The following CHRDL1 variants were observed in gnomAD, a reference collection of about 807,000 sequenced individuals.
The protein encoded by CHRDL1 is chordin-like protein 1.
CHRDL1 carries 19 observed loss-of-function variants against 40.9 expected under a neutral mutation model. That is an observed-to-expected ratio of 0.46 (90% CI 0.32 to 0.68). The LOEUF (loss-of-function observed/expected upper bound fraction) is 0.68. Ranked by LOEUF, CHRDL1 falls within the 30% of genes least tolerant of loss-of-function variation. The pLI is 0.03. For missense variants in CHRDL1, 329 were observed against 352.1 expected, an observed-to-expected ratio of 0.93 and a Z score of 0.53; for synonymous variants, 136 against 123.4, an observed-to-expected ratio of 1.10 and a Z score of -0.68.
intron 4 of CHRDL1, among the ~76,000 whole-genome samples, chrX:110,758,653 AAGTTCC>A (rs1399031585): frequency 9.0e-6 from 1 of 111,462 alleles, no homozygotes; most frequent in African/African-American, 3.3e-5. Flanking sequence ...TAAGTTCTGG[AAGTTCC>A]TCACCACTTA....
intron 6 of CHRDL1, among the ~76,000 whole-genome samples, chrX:110,711,535 T>C (rs2070746904): frequency 1.8e-5 from 2 of 112,012 alleles, no homozygotes; most frequent in African/African-American, 6.5e-5. Context: ...TTTCCTATCA[T>C]CATGACCAGG....
At chrX:110,721,303 G>A (rs2070946308) in intron 5 of CHRDL1, 82 bp downstream of exon 5, 1 of 931,010 alleles carries the variant, frequency 1.1e-6, no homozygotes, top group African/African-American at 1.9e-5. Context: ...TTACAGTGCA[G>A]GCACAAATGA....
intron 4 of CHRDL1, among the ~76,000 whole-genome samples, chrX:110,751,789 G>T (rs1012321254): frequency 4.5e-5 from 5 of 111,386 alleles, no homozygotes; most frequent in African/African-American, 1.6e-4. Context: ...CCAAAAAAAG[G>T]GAAATCAGTG....
chrX:110,687,029 G>A (rs2070040811), intron 9 of CHRDL1, among the ~76,000 whole-genome samples: 1 of 110,835 alleles, frequency 9.0e-6, no homozygotes, highest in African/African-American at 3.3e-5. Flanking sequence ...GCTGCCCCCT[G>A]TGTACTCTGG....
intron 6 of CHRDL1, among the ~76,000 whole-genome samples, chrX:110,707,567 T>C (rs1011728935): frequency 1.8e-5 from 2 of 112,055 alleles, no homozygotes; most frequent in African/African-American, 3.2e-5. Flanking sequence ...TAATAAATGG[T>C]GTTGGGAAAA....
chrX:110,709,192 T>G (rs1346078030), intron 6 of CHRDL1, among the ~76,000 whole-genome samples: 1 of 112,617 alleles, frequency 8.9e-6, no homozygotes, highest in Non-Finnish European at 1.9e-5. Context: ...GCATTTAGAA[T>G]TGTGCTTGGC....
chrX:110,738,866 C>A (rs941776613), intron 4 of CHRDL1, among the ~76,000 whole-genome samples: 3 of 111,550 alleles, frequency 2.7e-5, no homozygotes, highest in Non-Finnish European at 5.6e-5. Flanking sequence ...TTATGTAGTT[C>A]CAATTTTAAT....
chrX:110,723,301 A>G (rs906690479), intron 4 of CHRDL1, among the ~76,000 whole-genome samples: 10 of 111,674 alleles, frequency 9.0e-5, no homozygotes, highest in African/African-American at 3.3e-4. Flanking sequence ...GAATGAAATT[A>G]TTCTCAGTAT....
intron 5 of CHRDL1, among the ~76,000 whole-genome samples, chrX:110,720,171 G>T (rs1343555196): frequency 1.8e-5 from 2 of 111,361 alleles, no homozygotes; most frequent in African/African-American, 6.5e-5. Flanking sequence ...ATGGTCTAAG[G>T]TGGTACAAAG....
chrX:110,713,255 A>C (rs1297286898), intron 6 of CHRDL1, among the ~76,000 whole-genome samples: 1 of 111,728 alleles, frequency 9.0e-6, no homozygotes, highest in Non-Finnish European at 1.9e-5. Context: ...CGTGGTGTCT[A>C]TCTTCCCTAC....
chrX:110,757,552 T>C (rs2089477022), intron 4 of CHRDL1, among the ~76,000 whole-genome samples: 1 of 111,565 alleles, frequency 9.0e-6, no homozygotes, highest in Admixed American at 9.5e-5. Context: ...TCAAGAATGG[T>C]TGTAAAATAA....
chrX:110,709,833 C>T (rs375410508), intron 6 of CHRDL1, among the ~76,000 whole-genome samples: 2 of 110,855 alleles, frequency 1.8e-5, no homozygotes, highest in East Asian at 2.8e-4. Flanking sequence ...CGGGAAACCC[C>T]GTCTCTACTA....
chrX:110,703,600 C>T (rs1484995708), intron 6 of CHRDL1, among the ~76,000 whole-genome samples: 1 of 111,656 alleles, frequency 9.0e-6, no homozygotes, highest in Non-Finnish European at 1.9e-5. Context: ...GATATTTACA[C>T]CCAGGTTGGA....
intron 4 of CHRDL1, among the ~76,000 whole-genome samples, chrX:110,737,787 G>A (rs150434028): frequency 1.1e-3 from 127 of 111,583 alleles, no homozygotes; most frequent in Admixed American, 3.1e-3. Context: ...ATCTCTGCAA[G>A]AAATGTCAAA....
At chrX:110,690,932 G>T (rs1350313350) in intron 8 of CHRDL1, among the ~76,000 whole-genome samples, 1 of 111,202 alleles carries the variant, frequency 9.0e-6, no homozygotes, top group East Asian at 2.8e-4. Context: ...GCATCTGGCT[G>T]GGTGTGGTGG....
chrX:110,730,677 G>A (rs1319014500), intron 4 of CHRDL1, among the ~76,000 whole-genome samples: 1 of 110,368 alleles, frequency 9.1e-6, no homozygotes, highest in Non-Finnish European at 1.9e-5. Context: ...CAAAGTCCTG[G>A]GATCAACTGA....
At chrX:110,737,109 G>A (rs955730959) in intron 4 of CHRDL1, among the ~76,000 whole-genome samples, 4 of 111,744 alleles carry the variant, frequency 3.6e-5, no homozygotes, top group Non-Finnish European at 5.6e-5. Context: ...CTCTGGAAAG[G>A]AAACTACTCT....
At chrX:110,726,302 A>C (rs2071055986) in intron 4 of CHRDL1, among the ~76,000 whole-genome samples, 1 of 111,370 alleles carries the variant, frequency 9.0e-6, no homozygotes, top group Admixed American at 9.6e-5. Context: ...GAGGTGATTA[A>C]GTTATAAGGG....
intron 4 of CHRDL1, among the ~76,000 whole-genome samples, chrX:110,753,991 C>A (rs1029802203): frequency 2.7e-5 from 3 of 112,185 alleles, no homozygotes; most frequent in Admixed American, 9.4e-5. Flanking sequence ...GATTACCCAG[C>A]AAATTAATAT....
Sources: allele counts gnomAD v4.1 joint callset (sites outside exome capture counted in the v4.1 genomes callset), GRCh38; gene constraint gnomAD v4.1.1; transcripts MANE v1.5; gene names NCBI Gene and HGNC (gene_info 2026-07-23, HGNC 2026-07-21).